FAF1: variants seen among roughly 807,000 people sequenced by gnomAD.
FAF1 encodes FAS-associated factor 1.
FAF1 carries 25 observed loss-of-function variants against 92.5 expected under a neutral mutation model. The ratio of observed to expected loss-of-function variants is 0.27; its 90% CI spans 0.20 to 0.38. The LOEUF (loss-of-function observed/expected upper bound fraction) is 0.38. FAF1 is among the 10% of genes least tolerant of loss of function. The pLI is 1.00. For synonymous variants in FAF1, 234 were observed against 273.2 expected (o/e 0.86, Z 1.42); for missense variants, 636 against 793.3 (o/e 0.80, Z 2.38).
intron 2 of FAF1, among the ~76,000 whole-genome samples, chr1:50,852,097 G>A (rs1644355942): frequency 6.6e-6 from 1 of 151,996 alleles, no homozygotes. Flanking sequence ...TGTATGACAT[G>A]CTTAGAAAAA....
At chr1:50,594,993 C>A (rs1412327703) in intron 9 of FAF1, among the ~76,000 whole-genome samples, 2 of 151,786 alleles carry the variant, frequency 1.3e-5, no homozygotes, top group African/African-American at 4.8e-5. Context: ...CTTTAGGACC[C>A]CTGTGTGCAA....
intron 6 of FAF1, among the ~76,000 whole-genome samples, chr1:50,710,756 C>A (rs936003295): frequency 6.6e-6 from 1 of 151,778 alleles, no homozygotes; most frequent in African/African-American, 2.4e-5. Context: ...GTGTGTGCCA[C>A]CACGCCCGGC....
intron 13 of FAF1, among the ~76,000 whole-genome samples, chr1:50,557,810 GA>G (rs1197426409): frequency 6.6e-6 from 1 of 152,080 alleles, no homozygotes; most frequent in Middle Eastern, 3.2e-3. Flanking sequence ...AGCAGTTAAG[GA>G]AACAAATCTT....
intron 15 of FAF1, among the ~76,000 whole-genome samples, chr1:50,498,112 T>C (rs1418556331): frequency 1.3e-5 from 2 of 152,078 alleles, no homozygotes; most frequent in African/African-American, 4.8e-5. Context: ...TCCTCACATA[T>C]ATGTTGGATT....
At chr1:50,556,820 G>C (rs1175882237) in intron 13 of FAF1, among the ~76,000 whole-genome samples, 1 of 151,530 alleles carries the variant, frequency 6.6e-6, no homozygotes, top group African/African-American at 2.4e-5. Flanking sequence ...CTGGGCACCA[G>C]AGCAAGACCC....
At chr1:50,581,058 G>A (rs1650967876) in intron 12 of FAF1, among the ~76,000 whole-genome samples, 1 of 152,200 alleles carries the variant, frequency 6.6e-6, no homozygotes, top group Admixed American at 6.5e-5. Flanking sequence ...ACAGGCATGA[G>A]CCATCACATC....
chr1:50,750,071 C>G (rs953380468), intron 4 of FAF1, among the ~76,000 whole-genome samples: 3 of 152,050 alleles, frequency 2.0e-5, no homozygotes, highest in African/African-American at 7.2e-5. Context: ...TTTAGGAAAT[C>G]CAAAATAATT....
chr1:50,495,245 C>T (rs565040086), intron 15 of FAF1, among the ~76,000 whole-genome samples: 4 of 152,226 alleles, frequency 2.6e-5, no homozygotes, highest in African/African-American at 9.6e-5. Flanking sequence ...ACCACTCCAC[C>T]TTCCCCCACA....
intron 8 of FAF1, among the ~76,000 whole-genome samples, chr1:50,611,748 T>C (rs562748028): frequency 6.6e-6 from 1 of 152,286 alleles, no homozygotes; most frequent in South Asian, 2.1e-4. Context: ...TTTTTCACAA[T>C]GCACAATTTG....
At chr1:50,730,336 C>A (rs112820007) in intron 6 of FAF1, among the ~76,000 whole-genome samples, 160 of 151,870 alleles carry the variant, frequency 1.1e-3, no homozygotes, top group African/African-American at 3.5e-3. Context: ...CTTTAAAAAT[C>A]TCTTCTTAAT....
At chr1:50,813,953 C>T (rs1341531260) in intron 2 of FAF1, among the ~76,000 whole-genome samples, 3 of 152,108 alleles carry the variant, frequency 2.0e-5, no homozygotes, top group African/African-American at 7.2e-5. Flanking sequence ...TCTGAAACTA[C>T]AGATAGTACC....
chr1:50,903,266 C>T (rs1001038106), intron 1 of FAF1, among the ~76,000 whole-genome samples: 1 of 152,104 alleles, frequency 6.6e-6, no homozygotes, highest in Non-Finnish European at 1.5e-5. Flanking sequence ...TAACTAAAGC[C>T]TTCCTTAATT....
chr1:50,556,029 G>T (rs1024860180), intron 13 of FAF1, among the ~76,000 whole-genome samples: 4 of 151,318 alleles, frequency 2.6e-5, no homozygotes, highest in African/African-American at 9.7e-5. Flanking sequence ...ATACAACTCA[G>T]CTATAAAAAA....
At chr1:50,785,388 G>C (rs183298524) in intron 4 of FAF1, among the ~76,000 whole-genome samples, 41 of 151,840 alleles carry the variant, frequency 2.7e-4, no homozygotes, top group South Asian at 2.1e-4. Flanking sequence ...ATCTAATAAG[G>C]GGTTAAAATA....
chr1:50,726,937 C>T (rs1658687963), intron 6 of FAF1, among the ~76,000 whole-genome samples: 1 of 152,254 alleles, frequency 6.6e-6, no homozygotes, highest in African/African-American at 2.4e-5. Flanking sequence ...CTTTTATTAT[C>T]AAGACATTTC....
At chr1:50,731,740 G>A (rs1297519690) in intron 6 of FAF1, among the ~76,000 whole-genome samples, 2 of 152,096 alleles carry the variant, frequency 1.3e-5, no homozygotes, top group African/African-American at 4.8e-5. Flanking sequence ...TGTATCCACA[G>A]TTTTAGTACC....
At chr1:50,881,813 T>C (rs951902435) in intron 1 of FAF1, among the ~76,000 whole-genome samples, 4 of 152,236 alleles carry the variant, frequency 2.6e-5, no homozygotes, top group Non-Finnish European at 4.4e-5. Flanking sequence ...ATAATTTTAA[T>C]GTTGAACTAA....
rs553537458 is a variant in FAF1, at chr1:50,876,206, T to G, written c.46-18209A>C. On this transcript the variant is annotated intron_variant, in intron 1 of 18. Transcript: ENST00000396153. ...GATGAAATGGAGTACGTCAGGCAAA[T>G]AAAAGGTGGAGAACATTCCATACAG... Among the ~76,000 whole-genome samples, 6 of 152,046 alleles carry G rather than the reference T, an allele frequency of 3.9e-5. No homozygotes were observed. The South Asian group carries it at 1.2e-3, about 32-fold the overall frequency.
At chr1:50,881,259 A>G (rs1020964352) in intron 1 of FAF1, among the ~76,000 whole-genome samples, 2 of 152,154 alleles carry the variant, frequency 1.3e-5, no homozygotes, top group African/African-American at 4.8e-5. Flanking sequence ...ATTTTAGAAA[A>G]TTCACTAGGT....
Sources: gnomAD v4.1 joint callset for allele counts (sites outside exome capture counted in the v4.1 genomes callset) on GRCh38, gnomAD v4.1.1 for gene constraint, MANE v1.5 for transcripts, NCBI Gene and HGNC (gene_info 2026-07-23, HGNC 2026-07-21) for gene names.